TMEM53: variants seen among roughly 807,000 people sequenced by gnomAD.
TMEM53 encodes the protein novel DUF829 domain-containing protein.
Under a neutral mutation model 21.4 loss-of-function variants are expected in TMEM53, and 14 were observed. That is an observed-to-expected ratio of 0.65 (90% confidence interval 0.43 to 1.02). The LOEUF (loss-of-function observed/expected upper bound fraction) is 1.02. Ranked by LOEUF, TMEM53 falls within the 50% of genes least tolerant of loss-of-function variation. The probability of loss-of-function intolerance (pLI) is 0.00; values close to 1 mark genes in which losing one functional copy is unlikely to be tolerated. For missense variants in TMEM53, 323 were observed against 383.6 expected, an observed-to-expected ratio of 0.84 and a Z score of 1.32; for synonymous variants, 148 against 157.4, an observed-to-expected ratio of 0.94 and a Z score of 0.45.
At chr1:44,664,824 A>G (rs1326878397) in intron 1 of TMEM53, among the ~76,000 whole-genome samples, 1 of 152,100 alleles carries the variant, frequency 6.6e-6, no homozygotes, top group Non-Finnish European at 1.5e-5. Context: ...CCCATTTTAC[A>G]TAAGAGAAAA....
At position 44,654,730 on chromosome 1, in the gene TMEM53, T is replaced by C. The variant is rs777802767; in HGVS notation, c.663A>G (p.Glu221=). 1.2e-6 allele frequency: 2 copies of C among 1,614,112 alleles called. No homozygotes were observed. The highest frequency in any genetic ancestry group is 2.2e-5 in the East Asian group (1 of 44,878). ...GTTCTATGTCTCTGGCCAGGACTAC[T>C]TCGTCAGCCCTCGAGTAGAGGTAGA... The part of the protein sequence containing the change: ...PELYLYSRAD[E]VVLARDIERM... The change falls in exon 3 of 3, where the codon GAA becomes GAG. Residue 221 remains glutamate (E), a synonymous_variant. Coordinates refer to ENST00000372237, the MANE Select transcript of TMEM53 (RefSeq NM_024587.4). This position sits in a 1 kb window ranked among gnomAD's most constrained non-coding sequence, Gnocchi z 7.0.
chr1:44,674,381 G>T lies in TMEM53; in HGVS notation c.11C>A (p.Ala4Glu), dbSNP rs755104608. The T allele has an allele frequency of 6.2e-7, 1 of 1,611,786 alleles. No homozygotes were observed. The highest frequency in any genetic ancestry group is 8.5e-7 in the Non-Finnish European group (1 of 1,178,786). Residue 4 changes from alanine (A) to glutamate (E), a missense_variant, in exon 1 of 3, where the codon GCA becomes GAA. Ala to Glu is a moderately radical substitution (Grantham distance 107). Transcript: ENST00000372237. ...GATCTCGATGGTGTAGTCCAGCTCT[G>T]CCGAGGCCATGGTGAAGGCGCCGGC... MAS[A>E]ELDYTIEIPD...
chr1:44,671,054 G>T (rs1451989849), intron 1 of TMEM53, among the ~76,000 whole-genome samples: 2 of 152,162 alleles, frequency 1.3e-5, no homozygotes, highest in Admixed American at 6.5e-5. Flanking sequence ...CCCAGGCCCT[G>T]GTGACAGTGA....
intron 1 of TMEM53, among the ~76,000 whole-genome samples, chr1:44,672,408 A>G (rs1645009563): frequency 6.6e-6 from 1 of 152,188 alleles, no homozygotes; most frequent in Non-Finnish European, 1.5e-5. Context: ...TCCCCTCCCC[A>G]AAACCTCAGC....
chr1:44,671,055 G>A (rs1644995855), intron 1 of TMEM53, among the ~76,000 whole-genome samples: 1 of 152,180 alleles, frequency 6.6e-6, no homozygotes, highest in Non-Finnish European at 1.5e-5. Context: ...CCAGGCCCTG[G>A]TGACAGTGAG....
chr1:44,664,205 A>G (rs1009464596), intron 1 of TMEM53, among the ~76,000 whole-genome samples: 1 of 151,292 alleles, frequency 6.6e-6, no homozygotes, highest in Non-Finnish European at 1.5e-5. Flanking sequence ...AATCCCAGCA[A>G]TTTGGGAGGC....
intron 2 of TMEM53, among the ~76,000 whole-genome samples, chr1:44,656,180 C>A (rs1303853911): frequency 2.0e-5 from 3 of 152,126 alleles, no homozygotes; most frequent in Non-Finnish European, 4.4e-5. Context: ...ATAGTAAGAA[C>A]AAGGAGCAGC....
At chr1:44,661,612 A>G (rs569782048) in intron 1 of TMEM53, among the ~76,000 whole-genome samples, 1 of 152,238 alleles carries the variant, frequency 6.6e-6, no homozygotes, top group African/African-American at 2.4e-5. Flanking sequence ...AGAATAGCCT[A>G]TATTTATTGA....
At chr1:44,657,560 C>T (rs1444140780) in intron 2 of TMEM53, among the ~76,000 whole-genome samples, 1 of 152,152 alleles carries the variant, frequency 6.6e-6, no homozygotes, top group Non-Finnish European at 1.5e-5. Context: ...TTGTTTGAGA[C>T]AGGGTCTCAC....
chr1:44,673,053 C>T (rs1042687394), intron 1 of TMEM53, among the ~76,000 whole-genome samples: 3 of 152,206 alleles, frequency 2.0e-5, no homozygotes, highest in Non-Finnish European at 4.4e-5. Context: ...CAGCTCCAAC[C>T]CTTTGCAGCC....
chr1:44,660,146 C>A, intron 2 of TMEM53, 28 bp downstream of exon 2: 2 of 1,608,778 alleles, frequency 1.2e-6, no homozygotes, highest in Non-Finnish European at 1.7e-6. Flanking sequence ...TCACGGCAGC[C>A]CAGGGGAGAG....
In TMEM53 at chr1:44,660,708, G is replaced by A. The variant is rs1015274134; in HGVS notation, c.62-413C>T. 2.0e-5 allele frequency among the ~76,000 whole-genome samples: 3 copies of A among 152,106 alleles called. No homozygotes were observed. In the South Asian group the frequency reaches 6.2e-4, roughly 32 times the overall value. ...AAATGGTTAAAAAAAAAATCGGCTG[G>A]GCGCGGTGGCTCACGCCTGTAATCC... On this transcript the variant is annotated intron_variant, in intron 1 of 2. Coordinates refer to ENST00000372237, the MANE Select transcript of TMEM53 (RefSeq NM_024587.4).
intron 1 of TMEM53, among the ~76,000 whole-genome samples, chr1:44,672,570 G>A (rs1016860531): frequency 6.6e-6 from 1 of 152,188 alleles, no homozygotes; most frequent in Non-Finnish European, 1.5e-5. Context: ...CCTCCAACAG[G>A]CTAGAATGTT....
At chr1:44,660,576 C>T (rs1363220012) in intron 1 of TMEM53, among the ~76,000 whole-genome samples, 1 of 152,190 alleles carries the variant, frequency 6.6e-6, no homozygotes, top group Non-Finnish European at 1.5e-5. Context: ...TTGTCCACGC[C>T]CTTTCCTCTT....
At chr1:44,668,277 T>C (rs1056860612) in intron 1 of TMEM53, among the ~76,000 whole-genome samples, 2 of 151,924 alleles carry the variant, frequency 1.3e-5, no homozygotes, top group African/African-American at 4.8e-5. Context: ...CCGTCTCTAC[T>C]AAAAATACAA....
At chr1:44,669,137 T>C (rs1644976643) in intron 1 of TMEM53, among the ~76,000 whole-genome samples, 1 of 152,264 alleles carries the variant, frequency 6.6e-6, no homozygotes, top group African/African-American at 2.4e-5. Context: ...AAGTAATGCA[T>C]ACTCACTGTA....
chr1:44,656,984 C>T (rs368302004), intron 2 of TMEM53, among the ~76,000 whole-genome samples: 6 of 151,962 alleles, frequency 3.9e-5, no homozygotes, highest in South Asian at 4.2e-4. Context: ...TGCACTCCAG[C>T]CTGGGCGACA....
chr1:44,654,984 C>A lies in TMEM53; in HGVS notation c.409G>T (p.Val137Leu). The A allele has an allele frequency of 1.2e-6, 2 of 1,613,958 alleles. No homozygotes were observed. The highest frequency in any genetic ancestry group is 1.7e-6 in the Non-Finnish European group (2 of 1,179,872). The change falls in exon 3 of 3, where the codon GTG becomes TTG. Residue 137 changes from valine (V) to leucine (L), a missense_variant. Coordinates refer to ENST00000372237, the MANE Select transcript of TMEM53 (RefSeq NM_024587.4). This position sits in a 1 kb window ranked among gnomAD's most constrained non-coding sequence, Gnocchi z 7.0. Reference sequence around the variant, plus strand: ...GCGCTGTCAAAGATGGTGCCCACCACACGCAGGCGGCAGAAGCGACGGGTC... The same window carrying A: ...GCGCTGTCAAAGATGGTGCCCACCAAACGCAGGCGGCAGAAGCGACGGGTC... ...LQTRRFCRLR[V>L]VGTIFDSAPG... is the part of the protein sequence containing the mutation.
Position 44,654,291 on chromosome 1 carries a change from G to A in TMEM53, c.*268C>T, listed in dbSNP as rs1168636146. ...TGCATGCCACAGGAATCAGCAGCCT[G>A]ACTGTTGCACTTGTCCAAACACAAC... On this transcript the variant is annotated 3_prime_UTR_variant, in exon 3 of 3. Coordinates refer to ENST00000372237, the MANE Select transcript of TMEM53 (RefSeq NM_024587.4). The surrounding 1 kb of genome is among the most constrained non-coding windows in gnomAD (Gnocchi z 7.0). 2 of 452,548 alleles carry A rather than the reference G, an allele frequency of 4.4e-6. No homozygotes were observed. The highest frequency in any genetic ancestry group is 3.8e-5 in the Admixed American group (1 of 26,184). The allele number at this position is 452,548 out of a possible 1,614,324, so 28.0% of individuals were successfully genotyped here.
Sources: gnomAD v4.1 joint callset for allele counts (sites outside exome capture counted in the v4.1 genomes callset) on GRCh38, gnomAD v4.1.1 for gene constraint, Gnocchi (gnomAD v3.1) non-coding constraint, MANE v1.5 for transcripts, NCBI Gene and HGNC (gene_info 2026-07-23, HGNC 2026-07-21) for gene names.